The following CDIN1 variants were observed in gnomAD, a reference collection of about 807,000 sequenced individuals.
The protein encoded by CDIN1 is CDAN1-interacting nuclease 1.
CDIN1 carries 33 observed loss-of-function variants against 45.3 expected under a neutral mutation model. The ratio of observed to expected loss-of-function variants is 0.73; its 90% CI spans 0.55 to 0.97. The LOEUF is 0.97. Among genes scored for constraint, CDIN1 ranks in the 50% least tolerant of loss-of-function variants. CDIN1 has a pLI of 0.00. For missense variants in CDIN1, 303 were observed against 339.4 expected (o/e 0.89, Z 0.84); for synonymous variants, 118 against 124.4 (o/e 0.95, Z 0.34).
chr15:36,619,599 A>G (rs536053503), intron 1 of CDIN1, among the ~76,000 whole-genome samples: 4 of 151,874 alleles, frequency 2.6e-5, no homozygotes, highest in African/African-American at 9.7e-5. Flanking sequence ...TGCTGCCAGG[A>G]ATCAATTTTG....
intron 3 of CDIN1, among the ~76,000 whole-genome samples, chr15:36,650,033 C>T (rs943628279): frequency 1.3e-5 from 2 of 152,162 alleles, no homozygotes; most frequent in African/African-American, 4.8e-5. Flanking sequence ...ATATTTAAGC[C>T]AACCTTTTTT....
intron 5 of CDIN1, among the ~76,000 whole-genome samples, chr15:36,669,278 C>T (rs995388937): frequency 1.3e-5 from 2 of 152,100 alleles, no homozygotes; most frequent in African/African-American, 2.4e-5. Context: ...ATTACCCATA[C>T]TTGTATCTTA....
intron 5 of CDIN1, among the ~76,000 whole-genome samples, chr15:36,670,168 T>A (rs772615653): frequency 6.6e-6 from 1 of 152,092 alleles, no homozygotes; most frequent in Non-Finnish European, 1.5e-5. Flanking sequence ...TAAACAACTT[T>A]TATTTAGATT....
chr15:36,654,788 C>A (rs1332300461), intron 4 of CDIN1, among the ~76,000 whole-genome samples: 1 of 152,056 alleles, frequency 6.6e-6, no homozygotes, highest in African/African-American at 2.4e-5. Context: ...CTACAGATTT[C>A]CCATGAATGA....
intron 10 of CDIN1, among the ~76,000 whole-genome samples, chr15:36,800,909 G>GTGTGTGTGTATATATATA (rs1156514805): frequency 4.5e-5 from 1 of 22,390 alleles, no homozygotes; most frequent in Non-Finnish European, 1.2e-4. Context: ...GTGTGTGTGT[G>GTGTGTGTGTATATATATA]TATATATATA....
At chr15:36,669,178 A>C (rs1312030407) in intron 5 of CDIN1, 1 of 152,156 alleles carries the variant, frequency 6.6e-6, no homozygotes, top group Non-Finnish European at 1.5e-5. Flanking sequence ...TTCGTTTTCT[A>C]ATTTATTATA....
intron 10 of CDIN1, 54 bp downstream of exon 10, chr15:36,710,015 T>C (rs2043001185): frequency 6.8e-6 from 9 of 1,320,370 alleles, no homozygotes; most frequent in Non-Finnish European, 9.4e-6. Context: ...TGAAATCTCA[T>C]TAGAAAAAAA....
Position 36,808,695 on chromosome 15 carries a change from CT to C in CDIN1, c.*243del. 1.8e-6 allele frequency: 1 copy of C among 548,330 alleles called. No individual in the cohort carries two copies. Among genetic ancestry groups the C allele is most frequent in the Non-Finnish European group, 3.3e-6 (1 of 304,804 alleles). 34.0% of individuals were successfully genotyped at this position (548,330 alleles called of 1,614,324 possible). ...CCACTCATTATCAGCATTTCTGTCT[CT>C]GTCAAACAATTAGTTTATAGATAGT... On this transcript the variant is annotated 3_prime_UTR_variant, in exon 11 of 11. Coordinates refer to ENST00000566621, the MANE Select transcript of CDIN1 (RefSeq NM_001321759.2).
intron 5 of CDIN1, among the ~76,000 whole-genome samples, chr15:36,682,221 G>A (rs80263316): frequency 0.052 from 7,903 of 152,178 alleles, 407 homozygotes; most frequent in East Asian, 0.29. Flanking sequence ...AGAAGAGCCA[G>A]TGGTTGTAGT....
At chr15:36,754,521 T>C (rs1456317944) in intron 10 of CDIN1, among the ~76,000 whole-genome samples, 1 of 149,642 alleles carries the variant, frequency 6.7e-6, no homozygotes, top group Non-Finnish European at 1.5e-5. Context: ...ATAACTCTTT[T>C]GAAAACTCCC....
intron 10 of CDIN1, among the ~76,000 whole-genome samples, chr15:36,803,000 A>C (rs2055100289): frequency 6.6e-6 from 1 of 151,938 alleles, no homozygotes; most frequent in Non-Finnish European, 1.5e-5. Context: ...ACTGTCCTCA[A>C]CACCTGTTGA....
At chr15:36,808,256 C>A in intron 10 of CDIN1, 68 bp from the exon 11 acceptor site, 1 of 1,583,608 alleles carries the variant, frequency 6.3e-7, no homozygotes, top group Non-Finnish European at 8.6e-7. Flanking sequence ...TATCAGTGCC[C>A]CAAGGTGACT....
chr15:36,671,257 G>A (rs1650397379), intron 5 of CDIN1, among the ~76,000 whole-genome samples: 1 of 152,118 alleles, frequency 6.6e-6, no homozygotes, highest in Admixed American at 6.6e-5. Context: ...TTCATCTGTT[G>A]CGTGTTCTTT....
In CDIN1 at chr15:36,586,125, A is replaced by G. The variant is rs183989816; in HGVS notation, c.101+6164A>G. Among the ~76,000 whole-genome samples, 431 of 151,796 alleles carry G rather than the reference A, an allele frequency of 2.8e-3. 2 individuals are homozygous for G. Among genetic ancestry groups the G allele is most frequent in the African/African-American group, 9.3e-3 (383 of 41,382 alleles). ...CTAGTTCCGGCTCCTAGAACCTTCG[A>G]GTACCTCTTCCCTAATTCTTCATTT... On this transcript the variant is annotated intron_variant, in intron 1 of 10. Transcript: ENST00000566621.
At chr15:36,671,407 A>C (rs1027800520) in intron 5 of CDIN1, among the ~76,000 whole-genome samples, 1 of 152,160 alleles carries the variant, frequency 6.6e-6, no homozygotes, top group African/African-American at 2.4e-5. Flanking sequence ...AGTGGATGAA[A>C]AAAGGGCAGA....
intron 8 of CDIN1, chr15:36,708,232 G>T (rs533713721): frequency 6.6e-6 from 1 of 152,114 alleles, no homozygotes; most frequent in Admixed American, 6.6e-5. Flanking sequence ...ATGCAGGAAG[G>T]CGAATGGGAT....
intron 10 of CDIN1, among the ~76,000 whole-genome samples, chr15:36,727,592 G>A (rs1402985958): frequency 6.6e-6 from 1 of 152,240 alleles, no homozygotes; most frequent in East Asian, 1.9e-4. Flanking sequence ...TATTTTGATA[G>A]ATGATCTAAT....
chr15:36,753,275 C>T (rs1208622399), intron 10 of CDIN1, among the ~76,000 whole-genome samples: 1 of 152,112 alleles, frequency 6.6e-6, no homozygotes, highest in South Asian at 2.1e-4. Flanking sequence ...AGCGCTAGTT[C>T]ACAGGCAGCA....
chr15:36,658,565 G>C (rs911291985), intron 5 of CDIN1, among the ~76,000 whole-genome samples: 1 of 152,112 alleles, frequency 6.6e-6, no homozygotes, highest in Non-Finnish European at 1.5e-5. Flanking sequence ...TACTAGGCAG[G>C]AGTTTGTCAA....
Sources: gnomAD v4.1 joint callset for allele counts (sites outside exome capture counted in the v4.1 genomes callset) on GRCh38, gnomAD v4.1.1 for gene constraint, MANE v1.5 for transcripts, NCBI Gene and HGNC (gene_info 2026-07-23, HGNC 2026-07-21) for gene names.